SLC9A9: variants seen among roughly 807,000 people sequenced by gnomAD.
The protein encoded by SLC9A9 is sodium/hydrogen exchanger 9.
In SLC9A9, 62 loss-of-function variants were observed where a neutral mutation model predicts 77.8. That is an observed-to-expected ratio of 0.80 (90% CI 0.65 to 0.98). SLC9A9 has a LOEUF of 0.98. Among genes scored for constraint, SLC9A9 ranks in the 50% least tolerant of loss-of-function variants. The pLI is 0.00. For missense variants in SLC9A9, 775 were observed against 774.9 expected (o/e 1.00, Z 0.00); for synonymous variants, 320 against 283.5 (o/e 1.13, Z -1.29).
intron 12 of SLC9A9, among the ~76,000 whole-genome samples, chr3:143,435,731 G>T (rs1223507290): frequency 3.3e-5 from 5 of 152,172 alleles, no homozygotes; most frequent in Non-Finnish European, 7.4e-5. Flanking sequence ...GAAGCAGCCA[G>T]TTCAGTGGCA....
At chr3:143,736,991 C>A (rs1443984836) in intron 4 of SLC9A9, among the ~76,000 whole-genome samples, 2 of 152,168 alleles carry the variant, frequency 1.3e-5, no homozygotes, top group African/African-American at 2.4e-5. Flanking sequence ...TATTTTAATA[C>A]ACTAAGTAGA....
chr3:143,267,488 T>G (rs542125465), intron 15 of SLC9A9, among the ~76,000 whole-genome samples: 21 of 152,080 alleles, frequency 1.4e-4, no homozygotes, highest in African/African-American at 5.1e-4. Context: ...TAGCTGGGAT[T>G]ACAGGCATGT....
chr3:143,401,438 T>C (rs2033858572), intron 12 of SLC9A9, among the ~76,000 whole-genome samples: 1 of 152,220 alleles, frequency 6.6e-6, no homozygotes, highest in Non-Finnish European at 1.5e-5. Flanking sequence ...TCAGCTTGAA[T>C]GTGCCATTGT....
chr3:143,284,751 T>G (rs941905389), intron 14 of SLC9A9, among the ~76,000 whole-genome samples: 1 of 152,146 alleles, frequency 6.6e-6, no homozygotes. Context: ...TAAATACTTT[T>G]TCAAAAAACT....
chr3:143,377,894 C>A (rs549976902), intron 13 of SLC9A9, among the ~76,000 whole-genome samples: 3 of 152,354 alleles, frequency 2.0e-5, no homozygotes, highest in African/African-American at 7.2e-5. Context: ...TCAGCTCCAG[C>A]CATGCTGGCC....
intron 5 of SLC9A9, among the ~76,000 whole-genome samples, chr3:143,687,695 T>C (rs1933316455): frequency 6.6e-6 from 1 of 152,028 alleles, no homozygotes; most frequent in African/African-American, 2.4e-5. Context: ...ATTAGACCTT[T>C]AGTTAAAACT....
At chr3:143,565,940 A>G (rs2037160699) in intron 8 of SLC9A9, among the ~76,000 whole-genome samples, 1 of 152,142 alleles carries the variant, frequency 6.6e-6, no homozygotes, top group East Asian at 1.9e-4. Flanking sequence ...TGAGCTCCAG[A>G]AATGCATTTC....
chr3:143,675,440 C>A (rs1015671030), intron 5 of SLC9A9, among the ~76,000 whole-genome samples: 1 of 152,146 alleles, frequency 6.6e-6, no homozygotes, highest in Admixed American at 6.5e-5. Context: ...ACAGGATAAT[C>A]CACAGTAAAT....
chr3:143,552,338 T>C (rs745458444), intron 9 of SLC9A9, 24 bp downstream of exon 9: 2 of 1,557,240 alleles, frequency 1.3e-6, no homozygotes, highest in Non-Finnish European at 1.8e-6. Flanking sequence ...AGAGACCAAG[T>C]CTGTAGTAAA....
intron 6 of SLC9A9, among the ~76,000 whole-genome samples, chr3:143,645,836 A>G (rs554649939): frequency 6.6e-6 from 1 of 152,224 alleles, no homozygotes; most frequent in African/African-American, 2.4e-5. Context: ...AACAGGGAAT[A>G]AAGACATCTA....
At chr3:143,369,865 G>A (rs941550716) in intron 13 of SLC9A9, among the ~76,000 whole-genome samples, 2 of 152,172 alleles carry the variant, frequency 1.3e-5, no homozygotes, top group Non-Finnish European at 2.9e-5. Flanking sequence ...CAGCTGCCCT[G>A]TTGTGAGGAC....
At chr3:143,457,942 A>G (rs898471010) in intron 12 of SLC9A9, among the ~76,000 whole-genome samples, 1 of 152,146 alleles carries the variant, frequency 6.6e-6, no homozygotes, top group African/African-American at 2.4e-5. Flanking sequence ...TATAAATGTC[A>G]ATTAAATGCA....
intron 14 of SLC9A9, among the ~76,000 whole-genome samples, chr3:143,339,078 T>G (rs2032012463): frequency 6.6e-6 from 1 of 152,192 alleles, no homozygotes; most frequent in Non-Finnish European, 1.5e-5. Flanking sequence ...CTTATTTCTG[T>G]CTCCTACACA....
At chr3:143,437,440 C>T (rs537538849) in intron 12 of SLC9A9, among the ~76,000 whole-genome samples, 1 of 152,218 alleles carries the variant, frequency 6.6e-6, no homozygotes, top group African/African-American at 2.4e-5. Context: ...GGAAGTGGCG[C>T]CCAGCAAGGG....
At chr3:143,430,037 G>C (rs2034482858) in intron 12 of SLC9A9, among the ~76,000 whole-genome samples, 1 of 152,194 alleles carries the variant, frequency 6.6e-6, no homozygotes, top group Non-Finnish European at 1.5e-5. Flanking sequence ...TCCAAGTTTA[G>C]GTTCAAGCCA....
chr3:143,453,881 C>G (rs1415248626), intron 12 of SLC9A9, among the ~76,000 whole-genome samples: 1 of 152,148 alleles, frequency 6.6e-6, no homozygotes, highest in Non-Finnish European at 1.5e-5. Context: ...TTAGGAGTTG[C>G]AGCCTTTGGA....
intron 5 of SLC9A9, among the ~76,000 whole-genome samples, chr3:143,688,448 T>TGAAGATGTGTGC (rs1933350834): frequency 6.6e-6 from 1 of 152,034 alleles, no homozygotes; most frequent in Non-Finnish European, 1.5e-5. Context: ...CTTCTGAACT[T>TGAAGATGTGTGC]GAAGATGTGT....
At chr3:143,732,038 A>T (rs548121481) in intron 4 of SLC9A9, among the ~76,000 whole-genome samples, 1 of 152,202 alleles carries the variant, frequency 6.6e-6, no homozygotes, top group Non-Finnish European at 1.5e-5. Context: ...GAGTTTATTT[A>T]CATGGCTTCT....
At chr3:143,317,974 A>T (rs556576838) in intron 14 of SLC9A9, among the ~76,000 whole-genome samples, 2 of 152,006 alleles carry the variant, frequency 1.3e-5, no homozygotes, top group Non-Finnish European at 2.9e-5. Context: ...TGATCTGCCC[A>T]CCTTGGCCTC....
Sources: gnomAD v4.1 joint callset for allele counts (sites outside exome capture counted in the v4.1 genomes callset) on GRCh38, gnomAD v4.1.1 for gene constraint, MANE v1.5 for transcripts, NCBI Gene and HGNC (gene_info 2026-07-23, HGNC 2026-07-21) for gene names.